The following KIAA0232 variants were observed in gnomAD, a reference collection of about 807,000 sequenced individuals.
The protein encoded by KIAA0232 is KIAA0232.
KIAA0232 carries 27 observed loss-of-function variants against 122.0 expected under a neutral mutation model. The ratio of observed to expected loss-of-function variants is 0.22; its 90% CI spans 0.16 to 0.31. The LOEUF (loss-of-function observed/expected upper bound fraction) is 0.31, where lower values mean the gene tolerates loss of function less well. KIAA0232 is among the 10% of genes least tolerant of loss of function. KIAA0232 has a pLI of 1.00. For missense variants in KIAA0232, 1,551 were observed against 1,634.2 expected (o/e 0.95, Z 0.88); for synonymous variants, 613 against 587.6 (o/e 1.04, Z -0.63).
At chr4:6,787,245 C>CT (rs1202750602) in intron 1 of KIAA0232, among the ~76,000 whole-genome samples, 1 of 149,706 alleles carries the variant, frequency 6.7e-6, no homozygotes, top group African/African-American at 2.5e-5. Flanking sequence ...AGATTACATG[C>CT]TTTTTCTTTA....
chr4:6,820,564 CT>C (rs1380151879), intron 2 of KIAA0232, among the ~76,000 whole-genome samples: 2 of 152,132 alleles, frequency 1.3e-5, no homozygotes, highest in African/African-American at 4.8e-5. Context: ...CATACAAGAA[CT>C]TAATAATAGT....
chr4:6,857,019 C>G (rs1720603760), intron 4 of KIAA0232, 145 bp from the exon 5 acceptor site: 2 of 486,418 alleles, frequency 4.1e-6, no homozygotes, highest in Non-Finnish European at 7.0e-6. Flanking sequence ...AATTTTTAAA[C>G]TGTAGTATTC....
Position 6,863,472 on chromosome 4 carries a change from C to G in KIAA0232, c.3090C>G (p.Val1030=), listed in dbSNP as rs369330976. ...DLLGACGNFQ[V]EDPGLEYSFS... is the part of the protein sequence containing the mutation. The stretch of plus-strand genomic sequence containing the variant: ...TAGGAGCTTGTGGCAACTTTCAAGT[C>G]GAAGATCCTGGACTTGAATACTCAT... Residue 1030 remains valine (V), a synonymous_variant, in exon 7 of 10, where the codon GTC becomes GTG. Coordinates refer to ENST00000307659, the MANE Select transcript of KIAA0232 (RefSeq NM_014743.3). The G allele has an allele frequency of 1.2e-6, 2 of 1,613,972 alleles. No homozygotes were observed. Among genetic ancestry groups the G allele is most frequent in the African/African-American group, 2.7e-5 (2 of 74,906 alleles).
intron 7 of KIAA0232, among the ~76,000 whole-genome samples, chr4:6,870,840 C>T (rs1721440120): frequency 6.7e-6 from 1 of 150,316 alleles, no homozygotes; most frequent in Non-Finnish European, 1.5e-5. Flanking sequence ...GATTCCATTT[C>T]TTCTTTTACT....
chr4:6,830,117 T>C (rs532712607), intron 3 of KIAA0232, among the ~76,000 whole-genome samples: 70 of 152,304 alleles, frequency 4.6e-4, no homozygotes, highest in Admixed American at 2.4e-3. Flanking sequence ...CAAACACATA[T>C]GTATCATGTG....
At chr4:6,851,820 A>G (rs1287470734) in intron 4 of KIAA0232, among the ~76,000 whole-genome samples, 5 of 151,960 alleles carry the variant, frequency 3.3e-5, no homozygotes, top group Non-Finnish European at 7.4e-5. Flanking sequence ...AAGTTGAAGT[A>G]TTTTCCTCTT....
Position 6,843,507 on chromosome 4 carries a change from A to G in KIAA0232, c.369+1303A>G, listed in dbSNP as rs572311672. Among the ~76,000 whole-genome samples, 6 of 152,202 alleles carry G rather than the reference A, an allele frequency of 3.9e-5. No homozygotes were observed. The East Asian group carries it at 1.2e-3, about 29-fold the overall frequency. ...CTGAGGCCAGGAACAGTGGCTCAAC[A>G]CCTGTAATCCCAGGACTTTGGGAGG... is the stretch of plus-strand genomic sequence containing the variant. On this transcript the variant is annotated intron_variant, in intron 4 of 9. Coordinates refer to ENST00000307659, the MANE Select transcript of KIAA0232 (RefSeq NM_014743.3).
chr4:6,840,980 G>T (rs1719626433), intron 3 of KIAA0232, among the ~76,000 whole-genome samples: 1 of 151,990 alleles, frequency 6.6e-6, no homozygotes, highest in Non-Finnish European at 1.5e-5. Context: ...AGTACATTAA[G>T]CCTTAAAAAA....
In KIAA0232 at chr4:6,871,645, C is replaced by G. The variant is rs1369254868; in HGVS notation, c.3873C>G (p.Ala1291=). The change falls in exon 8 of 10, where the codon GCC becomes GCG. Residue 1291 remains alanine, a synonymous_variant. Transcript: ENST00000307659. ...AAAAACAGACCTGGTGGGAAAAAGC[C>G]TTGTACTCTCCTCTTTTTCCTGCAT... The part of the protein sequence containing the change: ...SQEKQTWWEK[A]LYSPLFPASE... 1 of 1,611,622 alleles carries G rather than the reference C, an allele frequency of 6.2e-7. No homozygotes were observed. The highest frequency in any genetic ancestry group is 8.5e-7 in the Non-Finnish European group (1 of 1,177,772).
intron 7 of KIAA0232, among the ~76,000 whole-genome samples, chr4:6,865,021 G>A (rs1267385248): frequency 1.3e-5 from 2 of 152,198 alleles, no homozygotes; most frequent in African/African-American, 2.4e-5. Context: ...CTATACAGAT[G>A]TATCTTGCTT....
intron 7 of KIAA0232, among the ~76,000 whole-genome samples, chr4:6,865,541 TC>T (rs1463035271): frequency 2.0e-5 from 3 of 152,244 alleles, no homozygotes; most frequent in African/African-American, 7.2e-5. Flanking sequence ...CTTCAAGTGA[TC>T]CACCTGCCTT....
chr4:6,843,786 A>T (rs1719791263), intron 4 of KIAA0232, among the ~76,000 whole-genome samples: 1 of 151,974 alleles, frequency 6.6e-6, no homozygotes, highest in African/African-American at 2.4e-5. Flanking sequence ...ATAAAAAAAG[A>T]ATTGTCTCTG....
chr4:6,862,094 C>T lies in KIAA0232; in HGVS notation c.1712C>T (p.Thr571Ile), dbSNP rs556402927. ...GAACGTGCAATATGGACAGATTCTA[C>T]CAGCTCCGTAGGTGCTGAGGGCTTA... ...QGERAIWTDS[T>I]SSVGAEGLFL... Residue 571 changes from threonine to isoleucine, a missense_variant, in exon 7 of 10, where the codon ACC becomes ATC. By Grantham distance (89) the Thr-to-Ile change is moderately conservative. Around this residue, in one of 5 missense-constraint regions of KIAA0232, gnomAD observed 1,108 missense variants for 1,154.8 expected, o/e 0.96. Transcript: ENST00000307659. 5.0e-6 allele frequency: 8 copies of T among 1,614,142 alleles called. No homozygotes were observed. Among genetic ancestry groups the T allele is most frequent in the East Asian group, 2.2e-5 (1 of 44,880 alleles).
chr4:6,809,708 G>T (rs901644431), intron 2 of KIAA0232, among the ~76,000 whole-genome samples: 7 of 152,022 alleles, frequency 4.6e-5, no homozygotes, highest in Non-Finnish European at 8.8e-5. Flanking sequence ...AAACCTCCTA[G>T]ATTTAATAAG....
intron 2 of KIAA0232, among the ~76,000 whole-genome samples, chr4:6,811,269 A>C (rs1717863479): frequency 1.3e-5 from 2 of 152,204 alleles, no homozygotes; most frequent in South Asian, 2.1e-4. Context: ...ATAGAATGCT[A>C]TTCAGACATA....
intron 3 of KIAA0232, among the ~76,000 whole-genome samples, chr4:6,836,264 C>G (rs948466238): frequency 5.3e-5 from 8 of 149,690 alleles, no homozygotes; most frequent in African/African-American, 2.0e-4. Flanking sequence ...GCATAAATGT[C>G]TTCTTTTGAG....
chr4:6,871,497 A>G (rs918025648), intron 7 of KIAA0232, 77 bp from the exon 8 acceptor site: 11 of 804,852 alleles, frequency 1.4e-5, no homozygotes, highest in Middle Eastern at 2.5e-4. Flanking sequence ...TATAATCTGT[A>G]GTTAATAATG....
chr4:6,843,218 A>G (rs989127839), intron 4 of KIAA0232, among the ~76,000 whole-genome samples: 1 of 152,156 alleles, frequency 6.6e-6, no homozygotes, highest in African/African-American at 2.4e-5. Flanking sequence ...TAACTACTGA[A>G]AGAGTCATTT....
chr4:6,838,997 C>T (rs779137681), intron 3 of KIAA0232, among the ~76,000 whole-genome samples: 32 of 152,132 alleles, frequency 2.1e-4, no homozygotes, highest in South Asian at 1.2e-3. Flanking sequence ...GGTGTGGTGG[C>T]GCATGCCTGC....
Sources: gnomAD v4.1 joint callset for allele counts (sites outside exome capture counted in the v4.1 genomes callset) on GRCh38, gnomAD v4.1.1 for gene constraint, gnomAD v4.1.1 regional missense constraint, MANE v1.5 for transcripts, NCBI Gene and HGNC (gene_info 2026-07-23, HGNC 2026-07-21) for gene names.